Variants in MEGF10 observed in about 807,000 individuals in gnomAD.
MEGF10 encodes multiple EGF like domains 10.
Under a neutral mutation model 147.5 loss-of-function variants are expected in MEGF10, and 86 were observed. The observed-to-expected ratio is 0.58, with a 90% CI of 0.49 to 0.70. MEGF10 has a LOEUF of 0.70. Among genes scored for constraint, MEGF10 ranks in the 30% least tolerant of loss-of-function variants. MEGF10 has a pLI of 0.00. For synonymous variants in MEGF10, 478 were observed against 525.5 expected, an observed-to-expected ratio of 0.91 and a Z score of 1.24; for missense variants, 1,329 against 1,487.3, an observed-to-expected ratio of 0.89 and a Z score of 1.75.
chr5:127,431,648 G>A lies in MEGF10; in HGVS notation c.1694-1715G>A, dbSNP rs144231749. On this transcript the variant is annotated intron_variant, in intron 13 of 24. Coordinates refer to ENST00000503335, the MANE Select transcript of MEGF10 (RefSeq NM_001256545.2). Reference sequence around the variant, plus strand: ...CTGGGTTGATTGTCTAAGTCTCTGTGATAAGCAGGTGTCCCCATCTTAGCT... The same window carrying A: ...CTGGGTTGATTGTCTAAGTCTCTGTAATAAGCAGGTGTCCCCATCTTAGCT... Among the ~76,000 whole-genome samples, 282 of 152,312 alleles carry A rather than the reference G, an allele frequency of 1.9e-3. 1 individual carries two copies. The highest frequency in any genetic ancestry group is 6.7e-3 in the African/African-American group (277 of 41,560).
At chr5:127,363,443 G>A (rs1048291157) in intron 4 of MEGF10, among the ~76,000 whole-genome samples, 2 of 152,108 alleles carry the variant, frequency 1.3e-5, no homozygotes, top group Non-Finnish European at 2.9e-5. Flanking sequence ...GGTGCTTTTT[G>A]CAGATTCAGC....
the MEGF10 span, among the ~76,000 whole-genome samples, chr5:127,267,954 T>C: frequency 4.9e-4 from 74 of 152,312 alleles, no homozygotes; most frequent in Non-Finnish European, 9.3e-4. Flanking sequence ...TTTCTTGCCT[T>C]CTGCTAGCTT....
At position 127,447,560 on chromosome 5, in the gene MEGF10, C is replaced by A; in HGVS notation, c.2732C>A (p.Thr911Asn). ...CCATTTCCTTCCCTTCTTGCAGGAACCCTTCCTCACAGCAATGGTGGAAAC... is the reference window on the plus strand; with the variant it reads ...CCATTTCCTTCCCTTCTTGCAGGAAACCTTCCTCACAGCAATGGTGGAAAC... ...VVNADYTISGTLPHSNGGNAN... is the reference protein window; with the variant it reads ...VVNADYTISGNLPHSNGGNAN... The change falls in exon 21 of 25, where the codon ACC becomes AAC. Residue 911 changes from threonine (T) to asparagine (N), a missense_variant. Thr to Asn is a moderately conservative substitution (Grantham distance 65). Coordinates refer to ENST00000503335, the MANE Select transcript of MEGF10 (RefSeq NM_001256545.2). 6.2e-7 allele frequency: 1 copy of A among 1,614,114 alleles called. No individual in the cohort carries two copies. The highest frequency in any genetic ancestry group is 8.5e-7 in the Non-Finnish European group (1 of 1,179,980).
At position 127,339,124 on chromosome 5, in the gene MEGF10, T is replaced by A; in HGVS notation, c.121T>A (p.Ser41Thr). Residue 41 changes from serine (S) to threonine (T), a missense_variant, in exon 3 of 25, where the codon TCA becomes ACA. Ser to Thr is a moderately conservative substitution (Grantham distance 58). Around this residue, in one of 3 missense-constraint regions of MEGF10, gnomAD observed 980 missense variants for 1,085.9 expected, o/e 0.90. Transcript: ENST00000503335. ...TATTTTTCCATTTCTTTTCAGCTAC[T>A]CAGTGACTGTGCAAGAGTCATACCC... ...PNVCSHWESY[S>T]VTVQESYPHP... is the part of the protein sequence containing the mutation. 6.3e-7 allele frequency: 1 copy of A among 1,593,858 alleles called. No homozygotes were observed. Among genetic ancestry groups the A allele is most frequent in the Non-Finnish European group, 8.6e-7 (1 of 1,164,748 alleles).
the MEGF10 span, among the ~76,000 whole-genome samples, chr5:127,273,007 C>T: frequency 1.3e-5 from 2 of 152,312 alleles, no homozygotes; most frequent in Non-Finnish European, 1.5e-5. Flanking sequence ...AGGGCAATCT[C>T]TAGATCCCCT....
At chr5:127,289,090 A>C (rs533056353), upstream of MEGF10, among the ~76,000 whole-genome samples, 2 of 152,342 alleles carry the variant, frequency 1.3e-5, no homozygotes, top group Admixed American at 1.3e-4. Context: ...TTGACTTTAA[A>C]GGGGTGCAAG....
intron 5 of MEGF10, among the ~76,000 whole-genome samples, chr5:127,391,276 A>G (rs1044405514): frequency 2.0e-5 from 3 of 152,084 alleles, no homozygotes; most frequent in Middle Eastern, 3.2e-3. Context: ...GTAGTACTAT[A>G]TAAGAGTGCT....
At chr5:127,339,654 A>T (rs1761604638) in intron 3 of MEGF10, among the ~76,000 whole-genome samples, 1 of 152,164 alleles carries the variant, frequency 6.6e-6, no homozygotes, top group African/African-American at 2.4e-5. Flanking sequence ...GTGAACACAG[A>T]AACAAAACTA....
chr5:127,378,000 C>A (rs1763099857), intron 5 of MEGF10, among the ~76,000 whole-genome samples: 1 of 152,146 alleles, frequency 6.6e-6, no homozygotes, highest in African/African-American at 2.4e-5. Flanking sequence ...ACTGATGGAC[C>A]ATCCAAATAG....
chr5:127,289,658 C>T (rs939355242), upstream of MEGF10, among the ~76,000 whole-genome samples: 2 of 152,204 alleles, frequency 1.3e-5, no homozygotes, highest in Admixed American at 6.5e-5. Context: ...TGGTGAGGGG[C>T]TTCAAACATA....
At chr5:127,423,258 T>C (rs1175159058) in intron 13 of MEGF10, among the ~76,000 whole-genome samples, 2 of 152,222 alleles carry the variant, frequency 1.3e-5, no homozygotes, top group African/African-American at 4.8e-5. Context: ...TTTACGATAA[T>C]GTTCTGGTCA....
chr5:127,341,560 T>C (rs2126802369), intron 4 of MEGF10, among the ~76,000 whole-genome samples: 1 of 152,282 alleles, frequency 6.6e-6, no homozygotes, highest in Admixed American at 6.5e-5. Flanking sequence ...GTCTCAGAGA[T>C]AGGGCTTGGA....
At chr5:127,323,040 G>A (rs1760853724) in intron 1 of MEGF10, among the ~76,000 whole-genome samples, 1 of 151,790 alleles carries the variant, frequency 6.6e-6, no homozygotes, top group Admixed American at 6.6e-5. Flanking sequence ...ATATGTATAT[G>A]CACAGGCATT....
At chr5:127,456,078 TG>T (rs1766354579) in intron 24 of MEGF10, among the ~76,000 whole-genome samples, 1 of 152,214 alleles carries the variant, frequency 6.6e-6, no homozygotes, top group East Asian at 1.9e-4. Flanking sequence ...ATCCATCTTT[TG>T]TTTTGTAACC....
At chr5:127,402,103 T>C (rs928116637) in intron 7 of MEGF10, among the ~76,000 whole-genome samples, 1 of 152,228 alleles carries the variant, frequency 6.6e-6, no homozygotes, top group Non-Finnish European at 1.5e-5. Flanking sequence ...CTAGAACACA[T>C]GGTAAAGCAT....
At chr5:127,391,179 A>T (rs1045536962) in intron 5 of MEGF10, among the ~76,000 whole-genome samples, 1 of 149,466 alleles carries the variant, frequency 6.7e-6, no homozygotes, top group Admixed American at 6.7e-5. Flanking sequence ...TTTAGGAAAA[A>T]CTCCCAAGAG....
At chr5:127,398,871 A>C (rs947000294) in intron 7 of MEGF10, 75 bp downstream of exon 7, 1 of 1,585,778 alleles carries the variant, frequency 6.3e-7, no homozygotes, top group South Asian at 1.1e-5. Flanking sequence ...ATACACATGC[A>C]GGAGACTTTA....
At chr5:127,282,859 C>T in the MEGF10 span, among the ~76,000 whole-genome samples, 1 of 152,190 alleles carries the variant, frequency 6.6e-6, no homozygotes, top group Admixed American at 6.5e-5. Context: ...CAAATGAATG[C>T]TCTCTCCTGT....
chr5:127,394,977 C>T (rs1032458689), intron 5 of MEGF10, among the ~76,000 whole-genome samples: 8 of 152,156 alleles, frequency 5.3e-5, no homozygotes, highest in African/African-American at 1.9e-4. Flanking sequence ...GAATTCAGTA[C>T]TTCTGATGAG....
Sources: gnomAD v4.1 joint callset for allele counts (sites outside exome capture counted in the v4.1 genomes callset) on GRCh38, gnomAD v4.1.1 for gene constraint, gnomAD v4.1.1 regional missense constraint, MANE v1.5 for transcripts, NCBI Gene and HGNC (gene_info 2026-07-23, HGNC 2026-07-21) for gene names.